Variants in TMEM232 observed in about 807,000 individuals in gnomAD.
TMEM232 encodes the protein transmembrane protein 232.
In TMEM232, 80 loss-of-function variants were observed where a neutral mutation model predicts 78.8. The observed-to-expected ratio is 1.01, with a 90% CI of 0.85 to 1.22. TMEM232 has a LOEUF of 1.22. TMEM232 is among the 50% of genes most tolerant of loss of function. TMEM232 has a pLI of 0.00. For synonymous variants in TMEM232, 297 were observed against 254.3 expected (o/e 1.17, Z -1.60); for missense variants, 881 against 742.2 (o/e 1.19, Z -2.17).
At chr5:110,511,557 GTAA>G (rs1253864903) in intron 12 of TMEM232, among the ~76,000 whole-genome samples, 3 of 151,748 alleles carry the variant, frequency 2.0e-5, no homozygotes, top group Non-Finnish European at 2.9e-5. Context: ...ATTCATTTAT[GTAA>G]TAATAATAAA....
chr5:110,439,074 C>A (rs1161701674), intron 12 of TMEM232, among the ~76,000 whole-genome samples: 3 of 151,988 alleles, frequency 2.0e-5, no homozygotes, highest in Admixed American at 6.6e-5. Flanking sequence ...TAAGTCATAC[C>A]TGACTATAGT....
rs1322119319 is a variant in TMEM232 at position 110,719,165 on chromosome 5, GTGTATATACATA to G, written c.-13+7450_-13+7461del. On this transcript the variant is annotated intron_variant, in intron 1 of 13. Coordinates refer to ENST00000455884, the MANE Select transcript of TMEM232 (RefSeq NM_001039763.4). ...TACTATGAAGTACATGACTGCGTGT[GTGTATATACATA>G]TGTATATACATGTATATATGTATAT... is the stretch of plus-strand genomic sequence containing the variant. Among the ~76,000 whole-genome samples, 3 of 151,654 alleles carry G rather than the reference GTGTATATACATA, an allele frequency of 2.0e-5. No homozygotes were observed. In the East Asian group the frequency reaches 5.8e-4, roughly 29 times the overall value.
intron 11 of TMEM232, among the ~76,000 whole-genome samples, chr5:110,563,054 T>C (rs930775811): frequency 1.1e-4 from 16 of 152,118 alleles, no homozygotes; most frequent in African/African-American, 3.6e-4. Context: ...ATATAACTGC[T>C]TTTAGAAATT....
At chr5:110,541,549 G>T (rs946980720) in intron 11 of TMEM232, among the ~76,000 whole-genome samples, 8 of 152,064 alleles carry the variant, frequency 5.3e-5, no homozygotes, top group Non-Finnish European at 1.0e-4. Context: ...GACTCATGGG[G>T]TTGCTAAGGC....
chr5:110,718,345 T>C (rs182026338), intron 1 of TMEM232, among the ~76,000 whole-genome samples: 1 of 152,272 alleles, frequency 6.6e-6, no homozygotes, highest in African/African-American at 2.4e-5. Context: ...ACAGAATACA[T>C]CTTAAGGCGA....
intron 1 of TMEM232, among the ~76,000 whole-genome samples, chr5:110,719,199 ATATATATGTGTATATATG>A (rs1302769638): frequency 2.0e-5 from 3 of 151,786 alleles, no homozygotes; most frequent in Admixed American, 6.6e-5. Context: ...GTATATATGT[ATATATATGTGTATATATG>A]TATATATGTG....
intron 12 of TMEM232, among the ~76,000 whole-genome samples, chr5:110,526,743 T>C (rs1357895905): frequency 1.3e-5 from 2 of 151,988 alleles, no homozygotes; most frequent in Admixed American, 6.5e-5. Flanking sequence ...AAAAGACATA[T>C]GTAAATGGTT....
intron 12 of TMEM232, chr5:110,513,898 G>C (rs755413617): frequency 1.2e-5 from 2 of 170,244 alleles, no homozygotes; most frequent in Middle Eastern, 5.2e-4. Context: ...ATTGCAATTA[G>C]GTTTGCACCA....
intron 12 of TMEM232, among the ~76,000 whole-genome samples, chr5:110,527,596 A>G (rs1003122876): frequency 1.7e-4 from 26 of 151,954 alleles, no homozygotes; most frequent in Admixed American, 1.6e-3. Flanking sequence ...AAAAAGACAC[A>G]AAGGCAAAGC....
chr5:110,534,443 C>T (rs74915521), intron 11 of TMEM232, among the ~76,000 whole-genome samples: 2 of 152,182 alleles, frequency 1.3e-5, no homozygotes, highest in East Asian at 3.8e-4. Flanking sequence ...GAATTCAGGC[C>T]TGTCCTCAGA....
chr5:110,489,422 A>G (rs972977891), intron 12 of TMEM232, among the ~76,000 whole-genome samples: 1 of 152,068 alleles, frequency 6.6e-6, no homozygotes, highest in Non-Finnish European at 1.5e-5. Flanking sequence ...CATGATCTCA[A>G]CAGACACAGA....
At chr5:110,548,082 CAA>C (rs1208486586) in intron 11 of TMEM232, among the ~76,000 whole-genome samples, 1 of 148,846 alleles carries the variant, frequency 6.7e-6, no homozygotes, top group Non-Finnish European at 1.5e-5. Context: ...TGAAAGGCTA[CAA>C]AAGTGTTTTC....
At chr5:110,548,787 T>A (rs1042699066) in intron 11 of TMEM232, among the ~76,000 whole-genome samples, 1 of 151,968 alleles carries the variant, frequency 6.6e-6, no homozygotes, top group Non-Finnish European at 1.5e-5. Context: ...GAGCATAAAA[T>A]TAAAAGATGG....
intron 10 of TMEM232, among the ~76,000 whole-genome samples, chr5:110,593,692 G>T (rs1244089755): frequency 6.6e-6 from 1 of 152,078 alleles, no homozygotes; most frequent in East Asian, 1.9e-4. Context: ...GGGTGATGAG[G>T]AGGAAATAGG....
chr5:110,648,391 A>T (rs1787814830), intron 2 of TMEM232, among the ~76,000 whole-genome samples: 1 of 152,196 alleles, frequency 6.6e-6, no homozygotes, highest in Non-Finnish European at 1.5e-5. Context: ...ACTTAGCAAT[A>T]TCACAACTTT....
chr5:110,504,568 G>C (rs553870969), intron 12 of TMEM232, among the ~76,000 whole-genome samples: 44 of 152,312 alleles, frequency 2.9e-4, no homozygotes, highest in African/African-American at 9.9e-4. Context: ...TAGAGACCCA[G>C]GATTGCCAAT....
rs76906940 is a variant in TMEM232 at position 110,497,715 on chromosome 5, C to G, written c.1703+30873G>C. ...ATACGTAGAACTTTCTGATGTTTCCCCCACCTGGCCTGCTTTACACACTTA... is the reference window on the plus strand; with the variant it reads ...ATACGTAGAACTTTCTGATGTTTCCGCCACCTGGCCTGCTTTACACACTTA... On this transcript the variant is annotated intron_variant, in intron 12 of 13. Transcript: ENST00000455884. Among the ~76,000 whole-genome samples the G allele has an allele frequency of 3.6e-4, 55 of 152,168 alleles. 1 individual carries two copies. Among genetic ancestry groups the G allele is most frequent in the African/African-American group, 1.3e-3 (53 of 41,540 alleles).
At chr5:110,418,706 C>A (rs1273455437), downstream of TMEM232, among the ~76,000 whole-genome samples, 1 of 152,056 alleles carries the variant, frequency 6.6e-6, no homozygotes, top group Non-Finnish European at 1.5e-5. Context: ...AGAAGGTGAA[C>A]AGGTAGAAAT....
At chr5:110,624,566 G>C (rs1342913774) in intron 7 of TMEM232, among the ~76,000 whole-genome samples, 1 of 152,060 alleles carries the variant, frequency 6.6e-6, no homozygotes, top group Non-Finnish European at 1.5e-5. Flanking sequence ...CTTAAAAACA[G>C]ATCCCTTTCT....
Sources: allele counts gnomAD v4.1 joint callset (sites outside exome capture counted in the v4.1 genomes callset), GRCh38; gene constraint gnomAD v4.1.1; transcripts MANE v1.5; gene names NCBI Gene and HGNC (gene_info 2026-07-23, HGNC 2026-07-21).